PES1: variants seen among roughly 807,000 people sequenced by gnomAD.
PES1 encodes pescadillo homolog.
In PES1, 31 loss-of-function variants were observed where a neutral mutation model predicts 77.1. That is an observed-to-expected ratio of 0.40 (90% CI 0.30 to 0.54). PES1 has a LOEUF of 0.54. PES1 is among the 20% of genes least tolerant of loss of function. The pLI, the probability that PES1 is intolerant of heterozygous loss-of-function variation, is 0.45. For synonymous variants in PES1, 282 were observed against 303.0 expected (o/e 0.93, Z 0.72); for missense variants, 658 against 771.7 (o/e 0.85, Z 1.75).
Position 30,581,019 on chromosome 22 carries a change from G to A in PES1, c.905C>T (p.Thr302Ile), listed in dbSNP as rs556088204. ...AGGCAGTGCAGTGCTCACCCCATCG[G>A]TGGGAAACTCATCCACCTCGGCCTC... The part of the protein sequence containing the change: ...EEEAEVDEFP[T>I]DGEMSAQEED... The change falls in exon 9 of 15, where the codon ACC becomes ATC. Residue 302 changes from threonine to isoleucine, a missense_variant. By Grantham distance (89) the Thr-to-Ile change is moderately conservative. Coordinates refer to ENST00000354694, the MANE Select transcript of PES1 (RefSeq NM_014303.4). 5.0e-6 allele frequency: 8 copies of A among 1,612,324 alleles called. No individual in the cohort carries two copies. The East Asian group carries it at 1.6e-4, about 31-fold the overall frequency.
At chr22:30,605,201 A>G (rs578202209) in intron 2 of PES1, among the ~76,000 whole-genome samples, 1 of 152,252 alleles carries the variant, frequency 6.6e-6, no homozygotes, top group East Asian at 1.9e-4. Flanking sequence ...GGGTCTCACC[A>G]TCTTGCCTAG....
intron 10 of PES1, 25 bp from the exon 11 acceptor site, chr22:30,580,203 C>G (rs186620740): frequency 6.3e-7 from 1 of 1,597,482 alleles, no homozygotes. Flanking sequence ...AGAGCCCACA[C>G]GGGTACACAG....
intron 2 of PES1, chr22:30,601,928 A>C (rs970415600): frequency 6.6e-6 from 1 of 151,992 alleles, no homozygotes; most frequent in Non-Finnish European, 1.5e-5. Context: ...ACGTGCCACC[A>C]CACCCAGCTA....
chr22:30,577,653 G>A (rs1281849326), intron 14 of PES1, among the ~76,000 whole-genome samples: 1 of 151,902 alleles, frequency 6.6e-6, no homozygotes, highest in East Asian at 1.9e-4. Flanking sequence ...ACCATGCGTA[G>A]CCCTTTCTTT....
chr22:30,579,008 CAAGG>C lies in PES1; in HGVS notation c.1522-14_1522-11del. The C allele has an allele frequency of 6.2e-7, 1 of 1,608,712 alleles. No individual in the cohort carries two copies. The highest frequency in any genetic ancestry group is 8.5e-7 in the Non-Finnish European group (1 of 1,179,912). ...CCATCACCCTGGGCTTCTGGGGACACAAGGAGGGTGCTTATGGGGGCAGGTTCTC... is the reference window on the plus strand; with the variant it reads ...CCATCACCCTGGGCTTCTGGGGACACAGGGTGCTTATGGGGGCAGGTTCTC... On this transcript the variant is annotated splice_polypyrimidine_tract_variant and intron_variant, in intron 13 of 14. Transcript: ENST00000354694.
upstream of PES1, among the ~76,000 whole-genome samples, chr22:30,592,560 G>A (rs1269196947): frequency 6.6e-6 from 1 of 152,186 alleles, no homozygotes; most frequent in African/African-American, 2.4e-5. Flanking sequence ...ACTTTGGGAG[G>A]CCAAGACAGG....
intron 2 of PES1, among the ~76,000 whole-genome samples, chr22:30,599,903 CAAAAAG>C (rs1008088690): frequency 1.1e-4 from 17 of 150,584 alleles, no homozygotes; most frequent in Admixed American, 5.3e-4. Context: ...CATCTCAAAA[CAAAAAG>C]AAAATGAAAG....
In PES1 at chr22:30,581,536, G is replaced by C; in HGVS notation, c.739C>G (p.Pro247Ala). 4.3e-6 allele frequency: 7 copies of C among 1,613,318 alleles called. No homozygotes were observed. The highest frequency in any genetic ancestry group is 5.9e-6 in the Non-Finnish European group (7 of 1,179,488). Reference sequence around the variant, plus strand: ...CTGGGCTGGGGTCCTACCTTCGGGGGATAGTGGAGGTTGAGCAACTGGTAA... The same window carrying C: ...CTGGGCTGGGGTCCTACCTTCGGGGCATAGTGGAGGTTGAGCAACTGGTAA... ...RLYQLLNLHY[P>A]PKLEGQAQAE... Residue 247 changes from proline (P) to alanine (A), a missense_variant, in exon 7 of 15, where the codon CCC (proline) becomes GCC (alanine). Transcript: ENST00000354694.
intron 2 of PES1, among the ~76,000 whole-genome samples, chr22:30,603,424 C>G (rs2087388938): frequency 6.6e-6 from 1 of 151,942 alleles, no homozygotes; most frequent in South Asian, 2.1e-4. Flanking sequence ...CTCTGTCACC[C>G]AGGCTGGAGT....
At chr22:30,602,469 G>A (rs1310534287) in intron 2 of PES1, among the ~76,000 whole-genome samples, 2 of 132,250 alleles carry the variant, frequency 1.5e-5, no homozygotes, top group African/African-American at 2.9e-5. Flanking sequence ...AGTTCCACCC[G>A]CCTTGGCCTC....
chr22:30,586,178 C>CCT (rs770600438), intron 4 of PES1, among the ~76,000 whole-genome samples: 1 of 152,208 alleles, frequency 6.6e-6, no homozygotes, highest in Non-Finnish European at 1.5e-5. Context: ...ACTTGCTTTT[C>CCT]GTGTGTGGCT....
chr22:30,580,907 G>T, intron 9 of PES1, 105 bp downstream of exon 9: 2 of 1,204,510 alleles, frequency 1.7e-6, no homozygotes, highest in South Asian at 2.8e-5. Context: ...CAGTTGCTTT[G>T]ACCATCAAAT....
intron 2 of PES1, among the ~76,000 whole-genome samples, chr22:30,600,317 C>T (rs543292135): frequency 3.9e-5 from 6 of 152,208 alleles, no homozygotes; most frequent in African/African-American, 1.4e-4. Flanking sequence ...TTCAGCCTCT[C>T]GGCTCCTTCA....
chr22:30,585,867 A>G (rs963592588), intron 4 of PES1, among the ~76,000 whole-genome samples: 7 of 152,214 alleles, frequency 4.6e-5, no homozygotes, highest in Admixed American at 3.3e-4. Context: ...AGGTCTTCAA[A>G]CCCATGCCAA....
intron 1 of PES1, 69 bp downstream of exon 1, chr22:30,591,741 G>A (rs992692613): frequency 1.1e-5 from 17 of 1,512,554 alleles, no homozygotes; most frequent in Non-Finnish European, 1.4e-5. Flanking sequence ...CCCGGGAAAA[G>A]AGTCGACCCC....
rs186188508 is a variant in PES1 at position 30,604,345 on chromosome 22, C to T, written c.-661+1116G>A. Among the ~76,000 whole-genome samples, 7 of 152,224 alleles carry T rather than the reference C, an allele frequency of 4.6e-5. No homozygotes were observed. The East Asian group carries it at 7.7e-4, about 17-fold the overall frequency. ...ATGCATGGCCTTGATAGAAATGTTT[C>T]CTGTTGGCCAGGCGCGCTGGCTCAT... On this transcript the variant is annotated intron_variant, in intron 2 of 16. Transcript: ENST00000402281.
chr22:30,596,296 A>C (rs112491294), upstream of PES1, among the ~76,000 whole-genome samples: 25 of 152,122 alleles, frequency 1.6e-4, no homozygotes, highest in African/African-American at 6.0e-4. Flanking sequence ...TCCAGCTAAA[A>C]TATAAGCATT....
intron 4 of PES1, among the ~76,000 whole-genome samples, chr22:30,585,620 T>C (rs904382472): frequency 6.6e-6 from 1 of 151,660 alleles, no homozygotes; most frequent in African/African-American, 2.4e-5. Context: ...AAAAATCATT[T>C]TTGTTACTTT....
intron 1 of PES1, chr22:30,605,610 G>A: frequency 6.1e-6 from 2 of 326,850 alleles, no homozygotes; most frequent in Non-Finnish European, 4.4e-6. Flanking sequence ...TGGCTCCATT[G>A]CACACACTTC....
Sources: allele counts gnomAD v4.1 joint callset (sites outside exome capture counted in the v4.1 genomes callset), GRCh38; gene constraint gnomAD v4.1.1; transcripts MANE v1.5; gene names NCBI Gene and HGNC (gene_info 2026-07-23, HGNC 2026-07-21).